Variants in TAFA4 observed in about 807,000 individuals in gnomAD.
TAFA4 encodes the protein TAFA chemokine like family member 4.
TAFA4 carries 20 observed loss-of-function variants against 21.1 expected under a neutral mutation model. That is an observed-to-expected ratio of 0.95 (90% confidence interval 0.67 to 1.38). TAFA4 has a LOEUF of 1.38. Ranked by LOEUF, TAFA4 falls within the 40% of genes most tolerant of loss-of-function variation. The pLI, the probability that TAFA4 is intolerant of heterozygous loss-of-function variation, is 0.00. For missense variants in TAFA4, 211 were observed against 180.9 expected, an observed-to-expected ratio of 1.17 and a Z score of -0.95; for synonymous variants, 71 against 67.4, an observed-to-expected ratio of 1.05 and a Z score of -0.26.
intron 3 of TAFA4, among the ~76,000 whole-genome samples, chr3:68,753,334 G>GTTTT (rs4065540): frequency 0.047 from 5,426 of 114,384 alleles, 528 homozygotes; most frequent in East Asian, 0.24. Flanking sequence ...GATTGATAGA[G>GTTTT]TTTTTTTTTT....
At chr3:68,849,779 C>T (rs1411483471) in intron 3 of TAFA4, among the ~76,000 whole-genome samples, 1 of 152,186 alleles carries the variant, frequency 6.6e-6, no homozygotes, top group Non-Finnish European at 1.5e-5. Flanking sequence ...AGCCTTCATT[C>T]ACATTGTATC....
chr3:68,784,918 CTAGA>C (rs1330908796), intron 3 of TAFA4, among the ~76,000 whole-genome samples: 1 of 151,960 alleles, frequency 6.6e-6, no homozygotes, highest in Admixed American at 6.6e-5. Flanking sequence ...ACCAGAGTAG[CTAGA>C]TACAGAGTGT....
chr3:68,829,961 T>A (rs1428753171), intron 3 of TAFA4, among the ~76,000 whole-genome samples: 4 of 152,228 alleles, frequency 2.6e-5, no homozygotes, highest in Non-Finnish European at 4.4e-5. Flanking sequence ...CTAGATTTTC[T>A]AGTTTATTTG....
intron 3 of TAFA4, among the ~76,000 whole-genome samples, chr3:68,785,379 G>A (rs1459959912): frequency 6.6e-6 from 1 of 152,214 alleles, no homozygotes; most frequent in Non-Finnish European, 1.5e-5. Context: ...CTCTCGTCGG[G>A]GAGGCTCAGG....
At chr3:68,760,236 GAATA>G (rs1221932051) in intron 3 of TAFA4, among the ~76,000 whole-genome samples, 1 of 152,016 alleles carries the variant, frequency 6.6e-6, no homozygotes, top group East Asian at 1.9e-4. Context: ...TTTATCTGAA[GAATA>G]AATAGCTTAA....
In TAFA4 at chr3:68,775,871, C is replaced by G. The variant is rs903316771; in HGVS notation, c.131-22853G>C. On this transcript the variant is annotated intron_variant, in intron 3 of 5. Coordinates refer to ENST00000295569, the MANE Select transcript of TAFA4 (RefSeq NM_182522.5). ...ATAATATTTACTTCAGTATCCTGTT[C>G]CACACATACTGTCCAGCATTCAATA... is the stretch of plus-strand genomic sequence containing the variant. Among the ~76,000 whole-genome samples the G allele has an allele frequency of 1.3e-4, 20 of 152,066 alleles. No individual in the cohort carries two copies. The East Asian group carries it at 1.3e-3, about 10-fold the overall frequency.
At chr3:68,886,671 A>G (rs981297700) in intron 1 of TAFA4, among the ~76,000 whole-genome samples, 1 of 152,236 alleles carries the variant, frequency 6.6e-6, no homozygotes, top group African/African-American at 2.4e-5. Context: ...CAAGACAAGA[A>G]GCCAGGAGTT....
intron 3 of TAFA4, among the ~76,000 whole-genome samples, chr3:68,845,706 C>T (rs930500397): frequency 1.3e-5 from 2 of 152,202 alleles, no homozygotes; most frequent in Admixed American, 6.5e-5. Context: ...TCTTATAAGG[C>T]TGGCCTGGTG....
At chr3:68,737,253 A>T (rs1016833777) in intron 5 of TAFA4, among the ~76,000 whole-genome samples, 6 of 152,182 alleles carry the variant, frequency 3.9e-5, no homozygotes, top group Admixed American at 6.5e-5. Flanking sequence ...GAATTAGGAA[A>T]AAATAGCTGA....
At chr3:68,893,205 C>T (rs1367991817) in intron 1 of TAFA4, among the ~76,000 whole-genome samples, 6 of 152,160 alleles carry the variant, frequency 3.9e-5, no homozygotes, top group Admixed American at 3.9e-4. Flanking sequence ...TGGAGATTAT[C>T]TACAAGTTGC....
At chr3:68,788,702 C>G (rs1352011315) in intron 3 of TAFA4, among the ~76,000 whole-genome samples, 1 of 152,180 alleles carries the variant, frequency 6.6e-6, no homozygotes, top group Non-Finnish European at 1.5e-5. Flanking sequence ...GCCTCCAACT[C>G]CTGGGCTCAA....
chr3:68,887,576 T>C (rs1443618323), intron 1 of TAFA4, among the ~76,000 whole-genome samples: 1 of 152,202 alleles, frequency 6.6e-6, no homozygotes, highest in Non-Finnish European at 1.5e-5. Flanking sequence ...GGAATCTATG[T>C]GGAGGTGACT....
chr3:68,773,306 A>G (rs1490084211), intron 3 of TAFA4, among the ~76,000 whole-genome samples: 2 of 152,196 alleles, frequency 1.3e-5, no homozygotes, highest in African/African-American at 4.8e-5. Context: ...TAAAAGATAC[A>G]CATCAGGCAA....
At chr3:68,748,133 C>G (rs1702493170) in intron 4 of TAFA4, among the ~76,000 whole-genome samples, 1 of 152,208 alleles carries the variant, frequency 6.6e-6, no homozygotes, top group Non-Finnish European at 1.5e-5. Context: ...TCCTTGAAAC[C>G]AGGACCTGAG....
At chr3:68,821,342 T>TGTGAA (rs1479810300) in intron 3 of TAFA4, among the ~76,000 whole-genome samples, 11 of 13,026 alleles carry the variant, frequency 8.4e-4, no homozygotes, top group Non-Finnish European at 1.1e-3. Context: ...TTTTTTTTTT[T>TGTGAA]TTTTTTTTTT....
chr3:68,849,018 G>A (rs1232028947), intron 3 of TAFA4, among the ~76,000 whole-genome samples: 1 of 151,976 alleles, frequency 6.6e-6, no homozygotes, highest in African/African-American at 2.4e-5. Context: ...CCTACACCTA[G>A]CATGAGCTAT....
chr3:68,766,553 A>G (rs966957592), intron 3 of TAFA4, among the ~76,000 whole-genome samples: 4 of 152,034 alleles, frequency 2.6e-5, no homozygotes, highest in Admixed American at 6.6e-5. Context: ...TTTTTCCTAA[A>G]AAAAAAACTC....
At chr3:68,838,839 C>G (rs1575634169) in intron 3 of TAFA4, among the ~76,000 whole-genome samples, 1 of 152,040 alleles carries the variant, frequency 6.6e-6, no homozygotes, top group Non-Finnish European at 1.5e-5. Context: ...GCTCATGCCT[C>G]TAATCCCAGC....
At chr3:68,834,954 C>T (rs1419496858) in intron 3 of TAFA4, among the ~76,000 whole-genome samples, 1 of 152,020 alleles carries the variant, frequency 6.6e-6, no homozygotes, top group African/African-American at 2.4e-5. Flanking sequence ...TCCCTCTGCT[C>T]AAAACCCTCT....
Sources: allele counts gnomAD v4.1 joint callset (sites outside exome capture counted in the v4.1 genomes callset), GRCh38; gene constraint gnomAD v4.1.1; transcripts MANE v1.5; gene names NCBI Gene and HGNC (gene_info 2026-07-23, HGNC 2026-07-21).